The following TNPO3 variants were observed in gnomAD, a reference collection of about 807,000 sequenced individuals.
TNPO3 encodes transportin-3.
TNPO3 carries 65 observed loss-of-function variants against 122.8 expected under a neutral mutation model. The ratio of observed to expected loss-of-function variants is 0.53; its 90% CI spans 0.43 to 0.65. The LOEUF (loss-of-function observed/expected upper bound fraction) is 0.65. TNPO3 is among the 30% of genes least tolerant of loss of function. The pLI, the probability that TNPO3 is intolerant of heterozygous loss-of-function variation, is 0.00. For missense variants in TNPO3, 850 were observed against 1,136.7 expected (o/e 0.75, Z 3.63); for synonymous variants, 372 against 411.2 (o/e 0.90, Z 1.15).
intron 22 of TNPO3, among the ~76,000 whole-genome samples, chr7:128,955,836 G>A (rs1796846530): frequency 6.6e-6 from 1 of 152,220 alleles, no homozygotes; most frequent in African/African-American, 2.4e-5. Flanking sequence ...ACTGTATTAA[G>A]CGGAGTGGTT....
chr7:129,025,652 A>T (rs1306417124), intron 1 of TNPO3, among the ~76,000 whole-genome samples: 1 of 151,874 alleles, frequency 6.6e-6, no homozygotes, highest in Non-Finnish European at 1.5e-5. Flanking sequence ...GGTTCAAGCA[A>T]TCCTCTTGCC....
intron 22 of TNPO3, among the ~76,000 whole-genome samples, chr7:128,956,504 A>AG (rs1313224232): frequency 6.6e-6 from 1 of 152,208 alleles, no homozygotes; most frequent in Non-Finnish European, 1.5e-5. Flanking sequence ...CTCTCCTGTA[A>AG]GGGCCAAGCA....
chr7:129,017,181 C>T (rs959084007), intron 2 of TNPO3, 125 bp from the exon 3 acceptor site: 1 of 841,272 alleles, frequency 1.2e-6, no homozygotes, highest in Admixed American at 2.3e-5. Flanking sequence ...CCCCCTTCCC[C>T]CATTTCTCCC....
chr7:128,975,623 G>A (rs556297543), intron 17 of TNPO3, among the ~76,000 whole-genome samples, 196 bp downstream of exon 17: 1 of 152,226 alleles, frequency 6.6e-6, no homozygotes, highest in Admixed American at 6.5e-5. Flanking sequence ...ACACTCATGT[G>A]GTCAGTCTCT....
At chr7:128,967,443 C>T (rs764513058) in intron 20 of TNPO3, 51 bp from the exon 21 acceptor site, 1 of 1,216,558 alleles carries the variant, frequency 8.2e-7, no homozygotes, top group South Asian at 1.2e-5. Context: ...AGCTTACTCA[C>T]CTGAGACCCT....
intron 4 of TNPO3, among the ~76,000 whole-genome samples, chr7:129,008,639 T>C (rs975534386): frequency 6.6e-6 from 1 of 152,168 alleles, no homozygotes; most frequent in Non-Finnish European, 1.5e-5. Flanking sequence ...TTTAATACGG[T>C]TCAAGGCTGA....
intron 8 of TNPO3, among the ~76,000 whole-genome samples, chr7:128,995,089 G>C (rs921373639): frequency 6.6e-6 from 1 of 152,080 alleles, no homozygotes; most frequent in Non-Finnish European, 1.5e-5. Context: ...TGTGAGCCCA[G>C]CCCAGAATTT....
chr7:129,027,581 A>AAC (rs1563107429), intron 1 of TNPO3, among the ~76,000 whole-genome samples: 29 of 138,726 alleles, frequency 2.1e-4, no homozygotes, highest in Non-Finnish European at 4.2e-4. Context: ...AAAAAAAAAA[A>AAC]AAAAAAAAAA....
At chr7:128,960,861 G>T (rs1327976582) in intron 21 of TNPO3, among the ~76,000 whole-genome samples, 1 of 152,004 alleles carries the variant, frequency 6.6e-6, no homozygotes, top group Non-Finnish European at 1.5e-5. Flanking sequence ...CCAGGTTCAA[G>T]CGATTCTCCA....
At chr7:128,966,160 C>T (rs1797909976) in intron 21 of TNPO3, among the ~76,000 whole-genome samples, 1 of 152,084 alleles carries the variant, frequency 6.6e-6, no homozygotes, top group African/African-American at 2.4e-5. Context: ...GTTATTTTAA[C>T]CTTTACAATT....
At chr7:128,957,636 T>C (rs1373620999) in intron 21 of TNPO3, among the ~76,000 whole-genome samples, 1 of 152,162 alleles carries the variant, frequency 6.6e-6, no homozygotes, top group Non-Finnish European at 1.5e-5. Flanking sequence ...TATTATCTAC[T>C]TCATAACACT....
At chr7:128,979,853 C>T in intron 15 of TNPO3, 118 bp downstream of exon 15, 1 of 904,568 alleles carries the variant, frequency 1.1e-6, no homozygotes, top group South Asian at 1.4e-5. Context: ...GAAACCACAT[C>T]AACAAACTGA....
At position 128,962,823 on chromosome 7, in the gene TNPO3, T is replaced by C. The variant is rs542811530; in HGVS notation, c.2711+4457A>G. Among the ~76,000 whole-genome samples, 231 of 151,752 alleles carry C rather than the reference T, an allele frequency of 1.5e-3. 1 individual carries two copies. Among genetic ancestry groups the C allele is most frequent in the East Asian group, 0.011 (58 of 5,178 alleles). ...GGACAAAGATAACAGGTTTTTTTTT[T>C]CCCCCACAGCACTGCTTTACTTAGG... On this transcript the variant is annotated intron_variant, in intron 21 of 22. Transcript: ENST00000265388.
chr7:128,959,465 T>C (rs1376858649), intron 21 of TNPO3, among the ~76,000 whole-genome samples: 3 of 152,164 alleles, frequency 2.0e-5, no homozygotes, highest in African/African-American at 7.2e-5. Context: ...CAAAGTGCTG[T>C]GATTACAGGC....
At chr7:128,994,052 T>C in intron 8 of TNPO3, 138 bp from the exon 9 acceptor site, 1 of 699,066 alleles carries the variant, frequency 1.4e-6, no homozygotes, top group Non-Finnish European at 2.4e-6. Context: ...CGAGGGTATT[T>C]TATTTTAGAC....
chr7:128,968,893 A>AT lies in TNPO3; in HGVS notation c.2598+1254dup, dbSNP rs1290116278. On this transcript the variant is annotated intron_variant, in intron 20 of 22. Transcript: ENST00000265388. ...ACCCAGCTAATTAAAAAGAAAAAAA[A>AT]TTTTTTTTTTTTTTGTAGGGATGGG... 1.2e-3 allele frequency among the ~76,000 whole-genome samples: 184 copies of AT among 149,754 alleles called. 1 individual carries two copies. Among genetic ancestry groups the AT allele is most frequent in the Middle Eastern group, 3.4e-3 (1 of 290 alleles).
chr7:129,026,532 A>G lies in TNPO3; in HGVS notation c.121-8375T>C, dbSNP rs548266811. 1.1e-4 allele frequency among the ~76,000 whole-genome samples: 17 copies of G among 150,464 alleles called. 1 individual carries two copies. The East Asian group carries it at 3.4e-3, about 30-fold the overall frequency. On this transcript the variant is annotated intron_variant, in intron 1 of 22. Coordinates refer to ENST00000265388, the MANE Select transcript of TNPO3 (RefSeq NM_012470.4). The stretch of plus-strand genomic sequence containing the variant: ...ATTCTCCTGCCTCAGCCTCCTAAGT[A>G]GCTGGGATTACAGGCATGTGCCACC...
intron 11 of TNPO3, 45 bp from the exon 12 acceptor site, chr7:128,986,965 GAAAACTTCTAGTTTATT>G: frequency 2.2e-5 from 33 of 1,529,866 alleles, no homozygotes; most frequent in Non-Finnish European, 2.7e-5. Flanking sequence ...GAAACTAAAG[GAAAACTTCTAGTTTATT>G]AAAACAGAGG....
chr7:129,050,562 C>T (rs1177589251), intron 1 of TNPO3, among the ~76,000 whole-genome samples: 2 of 152,148 alleles, frequency 1.3e-5, no homozygotes. Flanking sequence ...TAACAGAAGA[C>T]TCAAGGTTTA....
Sources: allele counts gnomAD v4.1 joint callset (sites outside exome capture counted in the v4.1 genomes callset), GRCh38; gene constraint gnomAD v4.1.1; transcripts MANE v1.5; gene names NCBI Gene and HGNC (gene_info 2026-07-23, HGNC 2026-07-21).